Variants in PCDH15 observed in about 807,000 individuals in gnomAD.
PCDH15 encodes the protein protocadherin related 15.
Under a neutral mutation model 178.5 loss-of-function variants are expected in PCDH15, and 129 were observed. That is an observed-to-expected ratio of 0.72 (90% CI 0.63 to 0.84). PCDH15 has a LOEUF of 0.84. Ranked by LOEUF, PCDH15 falls within the 40% of genes least tolerant of loss-of-function variation. The pLI is 0.00. For synonymous variants in PCDH15, 800 were observed against 732.0 expected (o/e 1.09, Z -1.50); for missense variants, 2,230 against 2,099.9 (o/e 1.06, Z -1.21).
At chr10:54,271,496 A>G (rs2132497434) in intron 8 of PCDH15, among the ~76,000 whole-genome samples, 1 of 152,276 alleles carries the variant, frequency 6.6e-6, no homozygotes, top group South Asian at 2.1e-4. Flanking sequence ...TACAGGCGTG[A>G]GCCACTGTGC....
At chr10:55,390,204 G>A (rs1837759046) in intron 2 of PCDH15, among the ~76,000 whole-genome samples, 2 of 152,036 alleles carry the variant, frequency 1.3e-5, no homozygotes, top group South Asian at 4.2e-4. Context: ...ATAGCGTTAT[G>A]TCTAAAAAAC....
At chr10:54,988,239 A>G (rs534889048) in intron 2 of PCDH15, among the ~76,000 whole-genome samples, 1 of 152,288 alleles carries the variant, frequency 6.6e-6, no homozygotes, top group African/African-American at 2.4e-5. Context: ...TTTTGGTACT[A>G]GTACCACACT....
At chr10:55,358,904 T>C (rs1044898559) in intron 2 of PCDH15, among the ~76,000 whole-genome samples, 1 of 152,110 alleles carries the variant, frequency 6.6e-6, no homozygotes, top group Non-Finnish European at 1.5e-5. Context: ...TTTAAAATAT[T>C]TTAAGGACCA....
chr10:55,519,270 G>A (rs1201204461), intron 2 of PCDH15, among the ~76,000 whole-genome samples: 2 of 111,556 alleles, frequency 1.8e-5, no homozygotes, highest in Middle Eastern at 4.5e-3. Context: ...ACCCTCCAGC[G>A]AATTATGCTG....
chr10:55,176,406 A>G (rs1056468956), intron 1 of PCDH15, among the ~76,000 whole-genome samples: 2 of 152,116 alleles, frequency 1.3e-5, no homozygotes, highest in Non-Finnish European at 2.9e-5. Context: ...GGAGACTGAT[A>G]TTAACTCAAA....
At chr10:54,236,763 G>T in intron 9 of PCDH15, 60 bp downstream of exon 9, 2 of 1,316,878 alleles carry the variant, frequency 1.5e-6, no homozygotes, top group Non-Finnish European at 2.2e-6. Flanking sequence ...GGAATTGAGA[G>T]AATTTGTTAC....
chr10:54,793,362 AGGCAGT>A (rs1418046813), intron 1 of PCDH15, among the ~76,000 whole-genome samples: 1 of 151,880 alleles, frequency 6.6e-6, no homozygotes, highest in Non-Finnish European at 1.5e-5. Flanking sequence ...AGAGGCAATG[AGGCAGT>A]ATAAGTCTGG....
chr10:54,974,641 C>A (rs998934806), intron 2 of PCDH15, among the ~76,000 whole-genome samples: 18 of 151,946 alleles, frequency 1.2e-4, no homozygotes, highest in African/African-American at 3.6e-4. Flanking sequence ...TGAAATGATT[C>A]TTTTGATCTC....
At chr10:54,847,148 G>A (rs779003173) in intron 3 of PCDH15, among the ~76,000 whole-genome samples, 19 of 152,128 alleles carry the variant, frequency 1.2e-4, no homozygotes, top group Admixed American at 1.2e-3. Context: ...TGTGAAAAAT[G>A]CATAGACTTT....
intron 1 of PCDH15, among the ~76,000 whole-genome samples, chr10:54,765,265 C>G (rs150359166): frequency 6.6e-6 from 1 of 152,032 alleles, no homozygotes; most frequent in Non-Finnish European, 1.5e-5. Context: ...GAGCTAAATA[C>G]CTTTTTAGCA....
At chr10:54,648,575 T>C (rs1344028045) in intron 2 of PCDH15, among the ~76,000 whole-genome samples, 2 of 152,128 alleles carry the variant, frequency 1.3e-5, no homozygotes, top group Non-Finnish European at 2.9e-5. Context: ...TTAAATGTAA[T>C]AATACATTAT....
At chr10:55,563,580 C>T (rs189099990) in intron 2 of PCDH15, among the ~76,000 whole-genome samples, 99 of 151,490 alleles carry the variant, frequency 6.5e-4, no homozygotes, top group Admixed American at 1.6e-3. Flanking sequence ...CAAATAATCA[C>T]GAGGCACACA....
In PCDH15 at chr10:55,582,716, C is replaced by A. The variant is rs535616091; in HGVS notation, c.-156+44909G>T. Among the ~76,000 whole-genome samples the A allele has an allele frequency of 1.3e-4, 19 of 146,006 alleles. No homozygotes were observed. In the East Asian group the frequency reaches 3.3e-3, roughly 26 times the overall value. On this transcript the variant is annotated intron_variant, in intron 2 of 5. Transcript: ENST00000613346. ...CCAACCACAAAAATCCTTCTTAAAT[C>A]TGTAATCATTTGAAAATGTGGCTTC...
intron 18 of PCDH15, among the ~76,000 whole-genome samples, chr10:54,025,367 C>T (rs2093050588): frequency 6.6e-6 from 1 of 152,116 alleles, no homozygotes; most frequent in Non-Finnish European, 1.5e-5. Flanking sequence ...TTTGCTCATT[C>T]AAGTTGTTGA....
chr10:54,380,599 G>A (rs1949051749), intron 3 of PCDH15, among the ~76,000 whole-genome samples: 1 of 113,780 alleles, frequency 8.8e-6, no homozygotes, highest in African/African-American at 3.6e-5. Flanking sequence ...ACTCAATAGT[G>A]TTTAAGAGTA....
chr10:54,090,475 T>C (rs1180843915), intron 15 of PCDH15, among the ~76,000 whole-genome samples: 1 of 151,992 alleles, frequency 6.6e-6, no homozygotes, highest in African/African-American at 2.4e-5. Context: ...AAATCCTGTC[T>C]CTACCAAAAA....
chr10:55,432,825 C>T (rs1329284728), intron 2 of PCDH15, among the ~76,000 whole-genome samples: 1 of 151,276 alleles, frequency 6.6e-6, no homozygotes, highest in Non-Finnish European at 1.5e-5. Flanking sequence ...GGCGTTTAAC[C>T]GTGTTAGCCA....
intron 13 of PCDH15, among the ~76,000 whole-genome samples, chr10:54,170,652 A>G (rs1391573292): frequency 6.6e-6 from 1 of 151,538 alleles, no homozygotes; most frequent in Admixed American, 6.6e-5. Flanking sequence ...GACCCCCATG[A>G]CTGTATCCCT....
At chr10:53,964,736 A>G (rs1177869590) in intron 21 of PCDH15, among the ~76,000 whole-genome samples, 1 of 152,126 alleles carries the variant, frequency 6.6e-6, no homozygotes, top group East Asian at 1.9e-4. Flanking sequence ...CAGTTCACCC[A>G]CTGAAGATTT....
Sources: gnomAD v4.1 joint callset for allele counts (sites outside exome capture counted in the v4.1 genomes callset) on GRCh38, gnomAD v4.1.1 for gene constraint, MANE v1.5 for transcripts, NCBI Gene and HGNC (gene_info 2026-07-23, HGNC 2026-07-21) for gene names.